Variants in MARCHF1 observed in about 807,000 individuals in gnomAD.
The protein encoded by MARCHF1 is E3 ubiquitin-protein ligase MARCHF1.
A neutral mutation model predicts 54.2 loss-of-function variants in MARCHF1; 40 were observed. That is an observed-to-expected ratio of 0.74 (90% CI 0.57 to 0.96). The LOEUF is 0.96. Ranked by LOEUF, MARCHF1 falls within the 40% of genes least tolerant of loss-of-function variation. The pLI, the probability that MARCHF1 is intolerant of heterozygous loss-of-function variation, is 0.00. For missense variants in MARCHF1, 586 were observed against 656.5 expected (o/e 0.89, Z 1.17); for synonymous variants, 236 against 236.3 (o/e 1.00, Z 0.01).
At chr4:163,929,363 C>A (rs115444829) in intron 3 of MARCHF1, among the ~76,000 whole-genome samples, 134 of 151,994 alleles carry the variant, frequency 8.8e-4, no homozygotes, top group African/African-American at 3.2e-3. Context: ...AGTGCCTGTA[C>A]AGAGAACAAA....
At chr4:164,383,639 G>A (rs1156868162) in intron 1 of MARCHF1, 2 of 152,304 alleles carry the variant, frequency 1.3e-5, no homozygotes, top group East Asian at 3.9e-4. Context: ...CACCAGAGAG[G>A]CGCCTACTGG....
At chr4:163,645,201 C>T (rs1431237574) in intron 5 of MARCHF1, among the ~76,000 whole-genome samples, 2 of 152,136 alleles carry the variant, frequency 1.3e-5, no homozygotes, top group African/African-American at 4.8e-5. Flanking sequence ...GTTCAGTCCA[C>T]CTAGGGACCA....
At chr4:164,380,979 T>C (rs1438391658) in intron 1 of MARCHF1, among the ~76,000 whole-genome samples, 1 of 152,214 alleles carries the variant, frequency 6.6e-6, no homozygotes, top group Non-Finnish European at 1.5e-5. Context: ...CGCTCTATCA[T>C]AGAGGTCCTA....
At chr4:164,214,473 A>T (rs950428724) in intron 1 of MARCHF1, among the ~76,000 whole-genome samples, 2 of 152,056 alleles carry the variant, frequency 1.3e-5, no homozygotes, top group African/African-American at 2.4e-5. Context: ...CTAAAAAAAA[A>T]CCCTCCACTT....
At chr4:163,869,165 T>C (rs1456965952) in intron 3 of MARCHF1, among the ~76,000 whole-genome samples, 1 of 151,950 alleles carries the variant, frequency 6.6e-6, no homozygotes, top group Non-Finnish European at 1.5e-5. Context: ...AATGCATGTG[T>C]AGTTCAAAGA....
chr4:163,979,971 T>C (rs563795141), intron 3 of MARCHF1, among the ~76,000 whole-genome samples: 1 of 152,152 alleles, frequency 6.6e-6, no homozygotes, highest in Admixed American at 6.5e-5. Context: ...ATTTTGTAGG[T>C]TGCCTGTTCA....
At chr4:164,128,665 A>G (rs1450842226) in intron 1 of MARCHF1, among the ~76,000 whole-genome samples, 1 of 152,204 alleles carries the variant, frequency 6.6e-6, no homozygotes, top group Non-Finnish European at 1.5e-5. Flanking sequence ...TTATATACAC[A>G]TATATTGCTG....
At chr4:164,090,375 A>C (rs1342087157) in intron 2 of MARCHF1, among the ~76,000 whole-genome samples, 1 of 152,052 alleles carries the variant, frequency 6.6e-6, no homozygotes, top group Non-Finnish European at 1.5e-5. Flanking sequence ...TTATTCTAAA[A>C]TAATTTAAAA....
chr4:163,593,588 T>C (rs889543770), intron 7 of MARCHF1, among the ~76,000 whole-genome samples: 1 of 152,182 alleles, frequency 6.6e-6, no homozygotes, highest in Non-Finnish European at 1.5e-5. Flanking sequence ...TTGTGATGGC[T>C]AGGTGTTTGA....
chr4:163,932,958 G>A lies in MARCHF1; in HGVS notation c.-39+55543C>T. 8.5e-6 allele frequency: 6 copies of A among 703,434 alleles called. No homozygotes were observed. The Admixed American group carries it at 9.2e-5, about 11-fold the overall frequency. 43.6% of individuals were successfully genotyped at this position (703,434 alleles called of 1,614,324 possible). A position where few individuals can be genotyped will look rare whatever the true frequency, so the allele number is the denominator to read the frequency against. On this transcript the variant is annotated intron_variant, in intron 3 of 9. Coordinates refer to ENST00000514618, the MANE Select transcript of MARCHF1 (RefSeq NM_001394959.1). ...ACAAATGATAGATAATTCCCAAGGAGCTTACCAAAAGGCATTTGATATAAG... is the reference window on the plus strand; with the variant it reads ...ACAAATGATAGATAATTCCCAAGGAACTTACCAAAAGGCATTTGATATAAG...
chr4:163,903,720 C>T (rs1750992273), intron 3 of MARCHF1, among the ~76,000 whole-genome samples: 1 of 151,978 alleles, frequency 6.6e-6, no homozygotes, highest in Non-Finnish European at 1.5e-5. Context: ...AAGTGATTTT[C>T]CTGCCTCAGC....
At chr4:163,946,930 T>C (rs1046782398) in intron 3 of MARCHF1, among the ~76,000 whole-genome samples, 1 of 152,238 alleles carries the variant, frequency 6.6e-6, no homozygotes, top group Non-Finnish European at 1.5e-5. Context: ...TCAAATTCTA[T>C]AAAGACATTC....
At chr4:164,218,408 A>T (rs998897084) in intron 1 of MARCHF1, among the ~76,000 whole-genome samples, 1 of 152,198 alleles carries the variant, frequency 6.6e-6, no homozygotes, top group African/African-American at 2.4e-5. Context: ...GTTAGAGAAT[A>T]AAAGAAGGGG....
intron 5 of MARCHF1, among the ~76,000 whole-genome samples, chr4:163,641,813 G>A (rs72683449): frequency 2.2e-4 from 34 of 152,246 alleles, no homozygotes; most frequent in Non-Finnish European, 4.1e-4. Flanking sequence ...AGATTAGTGA[G>A]ACAAAGAAGA....
At chr4:163,854,292 C>T (rs1749712248) in intron 3 of MARCHF1, 123 bp from the exon 4 acceptor site, 19 of 692,656 alleles carry the variant, frequency 2.7e-5, no homozygotes, top group Non-Finnish European at 9.1e-6. Context: ...TTAAAAAAAC[C>T]AGGGGTTACA....
chr4:163,944,981 A>G (rs754270298), intron 3 of MARCHF1, among the ~76,000 whole-genome samples: 2 of 152,122 alleles, frequency 1.3e-5, no homozygotes, highest in Non-Finnish European at 2.9e-5. Context: ...TCATCCTTCA[A>G]TCTCCATACA....
chr4:163,805,509 A>G (rs889773879), intron 4 of MARCHF1, among the ~76,000 whole-genome samples: 1 of 152,190 alleles, frequency 6.6e-6, no homozygotes, highest in African/African-American at 2.4e-5. Flanking sequence ...TGAGCCCCAA[A>G]CATTAAATTT....
chr4:163,892,347 G>C (rs1483248465), intron 3 of MARCHF1, among the ~76,000 whole-genome samples: 1 of 151,974 alleles, frequency 6.6e-6, no homozygotes, highest in African/African-American at 2.4e-5. Flanking sequence ...GAACATCTAA[G>C]AGTGGAGCTG....
intron 7 of MARCHF1, among the ~76,000 whole-genome samples, chr4:163,589,699 C>T (rs1740522292): frequency 6.6e-6 from 1 of 152,018 alleles, no homozygotes; most frequent in Non-Finnish European, 1.5e-5. Flanking sequence ...TATGCCTTTC[C>T]AGCCGAATAA....
Sources: allele counts gnomAD v4.1 joint callset (sites outside exome capture counted in the v4.1 genomes callset), GRCh38; gene constraint gnomAD v4.1.1; transcripts MANE v1.5; gene names NCBI Gene and HGNC (gene_info 2026-07-23, HGNC 2026-07-21).